The following HERPUD2 variants were observed in gnomAD, a reference collection of about 807,000 sequenced individuals.
The protein encoded by HERPUD2 is homocysteine-responsive endoplasmic reticulum-resident ubiquitin-like domain member 2 protein.
A neutral mutation model predicts 49.9 loss-of-function variants in HERPUD2; 13 were observed. That is an observed-to-expected ratio of 0.26 (90% confidence interval 0.17 to 0.41). The LOEUF is 0.41. Ranked by LOEUF, HERPUD2 falls within the 10% of genes least tolerant of loss-of-function variation. The pLI is 1.00. For synonymous variants in HERPUD2, 172 were observed against 171.4 expected (o/e 1.00, Z -0.03); for missense variants, 449 against 492.2 (o/e 0.91, Z 0.83).
At chr7:35,639,623 A>G (rs181169757) in intron 5 of HERPUD2, among the ~76,000 whole-genome samples, 1 of 152,318 alleles carries the variant, frequency 6.6e-6, no homozygotes, top group East Asian at 1.9e-4. Flanking sequence ...ACTCTTCTTC[A>G]CATTACTTGA....
At chr7:35,655,120 T>TG in intron 5 of HERPUD2, among the ~76,000 whole-genome samples, 1 of 152,290 alleles carries the variant, frequency 6.6e-6, no homozygotes, top group South Asian at 2.1e-4. Flanking sequence ...CCCAATGTGC[T>TG]GGGATTACAC....
intron 2 of HERPUD2, among the ~76,000 whole-genome samples, chr7:35,676,628 T>C (rs1785766629): frequency 1.3e-5 from 2 of 152,226 alleles, no homozygotes; most frequent in African/African-American, 2.4e-5. Context: ...GATTTTTACT[T>C]GTCATTACTT....
chr7:35,675,014 G>A (rs369829872), intron 2 of HERPUD2, among the ~76,000 whole-genome samples: 2 of 152,154 alleles, frequency 1.3e-5, no homozygotes, highest in Non-Finnish European at 1.5e-5. Context: ...AGGGGGTCAC[G>A]GGAACCCCAA....
At chr7:35,659,318 T>C (rs1034357412) in intron 5 of HERPUD2, among the ~76,000 whole-genome samples, 3 of 152,250 alleles carry the variant, frequency 2.0e-5, no homozygotes, top group South Asian at 2.1e-4. Context: ...TCACATCAAT[T>C]GCTTTATAAA....
chr7:35,645,555 C>A (rs751315311), intron 5 of HERPUD2, among the ~76,000 whole-genome samples: 4 of 152,202 alleles, frequency 2.6e-5, no homozygotes, highest in Non-Finnish European at 5.9e-5. Context: ...TAAGCCCTCA[C>A]TTCCATTGTC....
intron 5 of HERPUD2, among the ~76,000 whole-genome samples, chr7:35,651,982 T>C (rs530508834): frequency 6.6e-6 from 1 of 152,304 alleles, no homozygotes; most frequent in South Asian, 2.1e-4. Flanking sequence ...GACTACCTGG[T>C]GACCATCAAA....
intron 2 of HERPUD2, among the ~76,000 whole-genome samples, chr7:35,686,482 G>T (rs1242125101): frequency 2.9e-4 from 30 of 104,636 alleles, no homozygotes; most frequent in Non-Finnish European, 5.0e-4. Context: ...CGCAGCGCCC[G>T]GCCTAACATT....
chr7:35,678,425 G>C (rs543465221), intron 2 of HERPUD2, among the ~76,000 whole-genome samples: 1 of 151,852 alleles, frequency 6.6e-6, no homozygotes. Context: ...CTCAGCCTTC[G>C]GAGTAGCTGG....
Position 35,694,449 on chromosome 7 carries a change from C to A in HERPUD2, c.-119G>T. 9.6e-7 allele frequency: 1 copy of A among 1,046,392 alleles called. No homozygotes were observed. The highest frequency in any genetic ancestry group is 2.0e-5 in the Admixed American group (1 of 49,156). The allele number at this position is 1,046,392 out of a possible 1,614,324, so 64.8% of individuals were successfully genotyped here. On this transcript the variant is annotated 5_prime_UTR_variant, in exon 2 of 9. Transcript: ENST00000311350. ...AAGTGAGTTCTTAGTATTCCGTGTC[C>A]AAGTCAGTTACAAGTGCACTGGAGG...
chr7:35,651,409 C>A (rs1210689897), intron 5 of HERPUD2, among the ~76,000 whole-genome samples: 1 of 152,118 alleles, frequency 6.6e-6, no homozygotes, highest in African/African-American at 2.4e-5. Context: ...CTGTCCCCAG[C>A]AAAACTTCAC....
chr7:35,659,896 ATTTTAC>A (rs1785373396), intron 5 of HERPUD2, among the ~76,000 whole-genome samples: 3 of 140,136 alleles, frequency 2.1e-5, no homozygotes, highest in Admixed American at 2.1e-4. Flanking sequence ...ATTTTATTTT[ATTTTAC>A]TTTAAGTTCT....
At chr7:35,637,910 A>G (rs1490733656) in intron 6 of HERPUD2, among the ~76,000 whole-genome samples, 1 of 152,186 alleles carries the variant, frequency 6.6e-6, no homozygotes, top group East Asian at 1.9e-4. Context: ...AGGCTGAGAA[A>G]GTGTCCTCAA....
At chr7:35,692,483 A>C (rs1786215120) in intron 2 of HERPUD2, among the ~76,000 whole-genome samples, 1 of 152,186 alleles carries the variant, frequency 6.6e-6, no homozygotes, top group African/African-American at 2.4e-5. Flanking sequence ...CCTATTTTCC[A>C]CTTCAAAAAT....
At chr7:35,689,137 T>C (rs1244272728) in intron 2 of HERPUD2, among the ~76,000 whole-genome samples, 6 of 152,322 alleles carry the variant, frequency 3.9e-5, no homozygotes, top group Non-Finnish European at 5.9e-5. Context: ...CTGGAAAGTA[T>C]TGAGAAATGA....
At chr7:35,669,319 G>A (rs1406579339) in intron 4 of HERPUD2, among the ~76,000 whole-genome samples, 3 of 152,182 alleles carry the variant, frequency 2.0e-5, no homozygotes, top group African/African-American at 4.8e-5. Flanking sequence ...AGCAACTGGA[G>A]AAGCTAGTTT....
intron 2 of HERPUD2, among the ~76,000 whole-genome samples, chr7:35,690,768 C>CA (rs1325119597): frequency 5.9e-5 from 9 of 151,688 alleles, no homozygotes; most frequent in African/African-American, 2.2e-4. Flanking sequence ...GAGATAGCGC[C>CA]ATTGCACTCC....
At chr7:35,658,365 G>T (rs1785328918) in intron 5 of HERPUD2, among the ~76,000 whole-genome samples, 1 of 152,156 alleles carries the variant, frequency 6.6e-6, no homozygotes, top group African/African-American at 2.4e-5. Flanking sequence ...ATGAAGGGAA[G>T]ATGAAAAGTT....
intron 2 of HERPUD2, among the ~76,000 whole-genome samples, chr7:35,682,347 GTGTGTGTGTGTATATATATA>G (rs1562686287): frequency 0.018 from 532 of 29,162 alleles, 81 homozygotes; most frequent in African/African-American, 0.054. Context: ...GTGTGTGTGT[GTGTGTGTGTGTATATATATA>G]TATATATATA....
chr7:35,633,655 T>G lies in HERPUD2; in HGVS notation c.*35A>C. ...TGTTATTTAAACCACTTTCCTGAAG[T>G]CAGACCCTCCTTGTAGCTGGCACAG... On this transcript the variant is annotated 3_prime_UTR_variant, in exon 9 of 9. Transcript: ENST00000311350. 1 of 1,596,172 alleles carries G rather than the reference T, an allele frequency of 6.3e-7. No homozygotes were observed. The highest frequency in any genetic ancestry group is 8.5e-7 in the Non-Finnish European group (1 of 1,171,934).
Sources: allele counts gnomAD v4.1 joint callset (sites outside exome capture counted in the v4.1 genomes callset), GRCh38; gene constraint gnomAD v4.1.1; transcripts MANE v1.5; gene names NCBI Gene and HGNC (gene_info 2026-07-23, HGNC 2026-07-21).